Variants in QTRT2 observed in about 807,000 individuals in gnomAD.
QTRT2 encodes the protein queuine tRNA-ribosyltransferase domain containing 1.
QTRT2 carries 32 observed loss-of-function variants against 44.8 expected under a neutral mutation model. That is an observed-to-expected ratio of 0.71 (90% CI 0.54 to 0.96). The LOEUF is 0.96. Among genes scored for constraint, QTRT2 ranks in the 40% least tolerant of loss-of-function variants. The pLI, the probability that QTRT2 is intolerant of heterozygous loss-of-function variation, is 0.00. For synonymous variants in QTRT2, 182 were observed against 187.4 expected, an observed-to-expected ratio of 0.97 and a Z score of 0.24; for missense variants, 461 against 503.1, an observed-to-expected ratio of 0.92 and a Z score of 0.80.
intron 2 of QTRT2, among the ~76,000 whole-genome samples, chr3:114,061,485 G>A (rs2076885693): frequency 6.6e-6 from 1 of 152,204 alleles, no homozygotes; most frequent in Non-Finnish European, 1.5e-5. Context: ...GCAGCAGCAG[G>A]TGGCTAATCT....
chr3:114,068,305 G>C (rs1047200621), intron 5 of QTRT2: 8 of 414,736 alleles, frequency 1.9e-5, no homozygotes, highest in Admixed American at 1.1e-4. Context: ...TTTGAGGGTA[G>C]AGGAGGGTCA....
chr3:114,072,975 A>G (rs2077043902), intron 6 of QTRT2, among the ~76,000 whole-genome samples: 1 of 152,238 alleles, frequency 6.6e-6, no homozygotes, highest in Non-Finnish European at 1.5e-5. Flanking sequence ...ATCCTGAGCG[A>G]TGATCACATC....
chr3:114,063,548 G>A (rs2076914891), intron 2 of QTRT2, among the ~76,000 whole-genome samples: 1 of 151,898 alleles, frequency 6.6e-6, no homozygotes, highest in Admixed American at 6.5e-5. Context: ...ATTTATGTGG[G>A]TTCTAATGAC....
intron 2 of QTRT2, among the ~76,000 whole-genome samples, chr3:114,063,436 CCTT>C (rs1349371925): frequency 2.0e-5 from 3 of 151,942 alleles, no homozygotes; most frequent in Admixed American, 6.6e-5. Context: ...CTTAAATGAA[CCTT>C]CTTGTTTTAG....
intron 5 of QTRT2, chr3:114,068,343 T>C (rs1212448021): frequency 6.0e-6 from 2 of 332,162 alleles, no homozygotes; most frequent in Non-Finnish European, 1.2e-5. Context: ...GAAATTGCTA[T>C]GATAGGGGAA....
chr3:114,056,742 T>C lies in QTRT2; in HGVS notation c.-252T>C. The stretch of plus-strand genomic sequence containing the variant: ...CTGGCGCCCAGTGATGACGCAGTAC[T>C]CCCTGATTGGCTCTGCACTGGAGGC... On this transcript the variant is annotated 5_prime_UTR_variant, in exon 1 of 10. Coordinates refer to ENST00000281273, the MANE Select transcript of QTRT2 (RefSeq NM_024638.4). The C allele has an allele frequency of 7.1e-7, 1 of 1,402,206 alleles. No homozygotes were observed. The highest frequency in any genetic ancestry group is 9.6e-7 in the Non-Finnish European group (1 of 1,041,870). 86.9% of individuals were successfully genotyped at this position (1,402,206 alleles called of 1,614,324 possible). A position where few individuals can be genotyped will look rare whatever the true frequency, so the allele number is the denominator to read the frequency against.
intron 4 of QTRT2, among the ~76,000 whole-genome samples, chr3:114,066,991 C>T (rs956070747): frequency 2.6e-5 from 4 of 152,194 alleles, no homozygotes; most frequent in Non-Finnish European, 5.9e-5. Flanking sequence ...TTAGCAGTGA[C>T]AGCTAGAACA....
intron 6 of QTRT2, among the ~76,000 whole-genome samples, chr3:114,075,090 A>G (rs1055957925): frequency 9.3e-4 from 141 of 152,354 alleles, no homozygotes; most frequent in African/African-American, 3.3e-3. Flanking sequence ...TAAAAGCTGG[A>G]CATTTCAATA....
intron 5 of QTRT2, among the ~76,000 whole-genome samples, chr3:114,070,112 T>A (rs1299323831): frequency 6.6e-6 from 1 of 152,212 alleles, no homozygotes; most frequent in Non-Finnish European, 1.5e-5. Context: ...AATGGACACG[T>A]AGTATTTTGC....
Position 114,057,083 on chromosome 3 carries a change from C to T in QTRT2, c.-45C>T. Reference sequence around the variant, plus strand: ...CGACACCTCTGAGATAAAAGGGCCCCTTTCGACTAGCCTCTGCTGAAAGGT... The same window carrying T: ...CGACACCTCTGAGATAAAAGGGCCCTTTTCGACTAGCCTCTGCTGAAAGGT... On this transcript the variant is annotated 5_prime_UTR_variant, in exon 2 of 10. Coordinates refer to ENST00000281273, the MANE Select transcript of QTRT2 (RefSeq NM_024638.4). 1 of 1,371,390 alleles carries T rather than the reference C, an allele frequency of 7.3e-7. No homozygotes were observed. Among genetic ancestry groups the T allele is most frequent in the Non-Finnish European group, 9.4e-7 (1 of 1,065,818 alleles). 85.0% of individuals were successfully genotyped at this position (1,371,390 alleles called of 1,614,324 possible).
At chr3:114,058,282 T>C (rs1421576088) in intron 2 of QTRT2, among the ~76,000 whole-genome samples, 1 of 152,234 alleles carries the variant, frequency 6.6e-6, no homozygotes, top group East Asian at 1.9e-4. Context: ...TATTTCTTTT[T>C]TTTGGTCTCT....
At chr3:114,062,024 A>AG (rs1394540958) in intron 2 of QTRT2, among the ~76,000 whole-genome samples, 1 of 151,936 alleles carries the variant, frequency 6.6e-6, no homozygotes, top group Non-Finnish European at 1.5e-5. Flanking sequence ...AAAAAAAAAA[A>AG]AAAAAATCTG....
Position 114,087,395 on chromosome 3 carries a change from T to C in QTRT2, c.*1491T>C, listed in dbSNP as rs1316741001. The C allele has an allele frequency of 6.6e-6, 1 of 152,250 alleles. No individual in the cohort carries two copies. Among genetic ancestry groups the C allele is most frequent in the East Asian group, 1.9e-4 (1 of 5,192 alleles). The allele number at this position is 152,250 out of a possible 1,614,324, so 9.4% of individuals were successfully genotyped here. ...GTTTTTTGGTTTTTTGGGGTTTTTT[T>C]TGAGACGGAGCCTTGCTCTGTCGCC... On this transcript the variant is annotated 3_prime_UTR_variant, in exon 10 of 10. Transcript: ENST00000281273.
chr3:114,064,477 A>G (rs2076927113), intron 2 of QTRT2, among the ~76,000 whole-genome samples: 1 of 152,234 alleles, frequency 6.6e-6, no homozygotes, highest in Admixed American at 6.5e-5. Flanking sequence ...ATCATTTAGG[A>G]GCACCCAACA....
chr3:114,086,137 C>G lies in QTRT2; in HGVS notation c.*233C>G, dbSNP rs1286103517. 3.0e-5 allele frequency: 14 copies of G among 472,174 alleles called. No homozygotes were observed. 29.2% of individuals were successfully genotyped at this position (472,174 alleles called of 1,614,324 possible). A position where few individuals can be genotyped will look rare whatever the true frequency, so the allele number is the denominator to read the frequency against. On this transcript the variant is annotated 3_prime_UTR_variant, in exon 10 of 10. Coordinates refer to ENST00000281273, the MANE Select transcript of QTRT2 (RefSeq NM_024638.4). ...AATTGAACTGTGACCTTTAAGACTT[C>G]TAGACTAATTCTTTTAGTTGATAGA... is the stretch of plus-strand genomic sequence containing the variant.
intron 5 of QTRT2, 71 bp downstream of exon 5, chr3:114,068,134 A>G (rs1204907323): frequency 1.3e-5 from 15 of 1,185,200 alleles, no homozygotes; most frequent in Non-Finnish European, 1.8e-5. Context: ...TATCCCTCAG[A>G]TGCTCAGATC....
chr3:114,076,954 GT>G lies in QTRT2; in HGVS notation c.746+14del. Reference sequence around the variant, plus strand: ...GAGGACAAGCCAAGGCCAGTGTTCGGTTAGGACACAGGCTGGCCTCAAGGGA... The same window carrying G: ...GAGGACAAGCCAAGGCCAGTGTTCGGTAGGACACAGGCTGGCCTCAAGGGA... On this transcript the variant is annotated intron_variant, in intron 7 of 9. Coordinates refer to ENST00000281273, the MANE Select transcript of QTRT2 (RefSeq NM_024638.4). 6.2e-7 allele frequency: 1 copy of G among 1,612,950 alleles called. No individual in the cohort carries two copies.
chr3:114,059,017 C>CT (rs1222954165), intron 2 of QTRT2, among the ~76,000 whole-genome samples: 1 of 152,232 alleles, frequency 6.6e-6, no homozygotes, highest in Non-Finnish European at 1.5e-5. Context: ...ATATGACCAT[C>CT]TTTTGCCTTA....
chr3:114,077,218 C>A (rs2077103155), intron 7 of QTRT2: 1 of 373,606 alleles, frequency 2.7e-6, no homozygotes, highest in African/African-American at 2.0e-5. Context: ...ATACTGTTTC[C>A]CCTCATTCTT....
Sources: gnomAD v4.1 joint callset for allele counts (sites outside exome capture counted in the v4.1 genomes callset) on GRCh38, gnomAD v4.1.1 for gene constraint, MANE v1.5 for transcripts, NCBI Gene and HGNC (gene_info 2026-07-23, HGNC 2026-07-21) for gene names.